The following CBFB variants were observed in gnomAD, a reference collection of about 807,000 sequenced individuals.
CBFB encodes core-binding factor subunit beta.
A neutral mutation model predicts 30.4 loss-of-function variants in CBFB; 9 were observed. The observed-to-expected ratio is 0.30, with a 90% CI of 0.18 to 0.52. The LOEUF is 0.52. Ranked by LOEUF, CBFB falls within the 20% of genes least tolerant of loss-of-function variation. The pLI, the probability that CBFB is intolerant of heterozygous loss-of-function variation, is 0.97. For missense variants in CBFB, 170 were observed against 244.0 expected, an observed-to-expected ratio of 0.70 and a Z score of 2.02; for synonymous variants, 94 against 84.0, an observed-to-expected ratio of 1.12 and a Z score of -0.65.
At chr16:67,066,985 G>T in intron 4 of CBFB, 187 bp downstream of exon 4, 2 of 429,828 alleles carry the variant, frequency 4.7e-6, no homozygotes, top group South Asian at 2.9e-5. Flanking sequence ...TTTTTCTTCA[G>T]CAGTTCTAAA....
intron 4 of CBFB, among the ~76,000 whole-genome samples, chr16:67,078,074 G>A (rs1252922607): frequency 6.6e-6 from 1 of 152,204 alleles, no homozygotes; most frequent in East Asian, 1.9e-4. Flanking sequence ...AGCCTACTTT[G>A]TGGGTAAGCA....
chr16:67,075,592 C>T (rs1961373215), intron 4 of CBFB, among the ~76,000 whole-genome samples: 1 of 152,024 alleles, frequency 6.6e-6, no homozygotes, highest in African/African-American at 2.4e-5. Flanking sequence ...ACACTATGAT[C>T]TAGCAGTTCT....
chr16:67,054,660 T>G (rs1418910507), intron 3 of CBFB, among the ~76,000 whole-genome samples: 1 of 152,194 alleles, frequency 6.6e-6, no homozygotes, highest in Non-Finnish European at 1.5e-5. Flanking sequence ...GTCTCTTTTG[T>G]CTTTTTGGTC....
At chr16:67,029,635 C>G in intron 1 of CBFB, 92 bp from the exon 2 acceptor site, 1 of 1,366,096 alleles carries the variant, frequency 7.3e-7, no homozygotes, top group Non-Finnish European at 1.0e-6. Context: ...CCCGCAGCCT[C>G]TGCTTGCCCT....
At position 67,098,114 on chromosome 16, in the gene CBFB, T is replaced by TTTTGTTTG. The variant is rs369708538; in HGVS notation, c.496-568_496-561dup. On this transcript the variant is annotated intron_variant, in intron 5 of 5. Coordinates refer to ENST00000412916, the MANE Select transcript of CBFB (RefSeq NM_022845.3). ...GTAAATATAGATTTGTTGTGGGGTT[T>TTTTGTTTG]TTTGTTTGTTTGTTTGTTTGTTTGT... Among the ~76,000 whole-genome samples the TTTTGTTTG allele has an allele frequency of 2.4e-3, 365 of 150,612 alleles. 2 individuals carry two copies. The highest frequency in any genetic ancestry group is 1.8e-3 in the African/African-American group (74 of 40,284).
intron 3 of CBFB, among the ~76,000 whole-genome samples, chr16:67,045,600 T>C (rs528134449): frequency 2.0e-5 from 3 of 152,314 alleles, no homozygotes; most frequent in Admixed American, 1.3e-4. Context: ...ACATGGTAAA[T>C]GCACCTCTGA....
chr16:67,059,788 C>T lies in CBFB; in HGVS notation c.283-6894C>T, dbSNP rs138505229. Among the ~76,000 whole-genome samples, 73 of 152,160 alleles carry T rather than the reference C, an allele frequency of 4.8e-4. 1 individual carries two copies. The East Asian group carries it at 0.013, about 27-fold the overall frequency. ...CTTACTCTGGGGGTCTCTTCCTTTC[C>T]TCTGGATTTAAATACCATGGTATTG... is the stretch of plus-strand genomic sequence containing the variant. On this transcript the variant is annotated intron_variant, in intron 3 of 5. Transcript: ENST00000412916.
chr16:67,066,547 G>A (rs988321696), intron 3 of CBFB, 135 bp from the exon 4 acceptor site: 1 of 504,352 alleles, frequency 2.0e-6, no homozygotes, highest in Non-Finnish European at 3.6e-6. Flanking sequence ...GGAGCACAGC[G>A]AAACTCCATC....
At chr16:67,039,878 A>G (rs1272935977) in intron 3 of CBFB, among the ~76,000 whole-genome samples, 1 of 152,222 alleles carries the variant, frequency 6.6e-6, no homozygotes. Context: ...AAATGGTGAC[A>G]CTGGTAGAAA....
At chr16:67,062,545 A>T (rs1444919539) in intron 3 of CBFB, among the ~76,000 whole-genome samples, 1 of 147,530 alleles carries the variant, frequency 6.8e-6, no homozygotes, top group Non-Finnish European at 1.5e-5. Flanking sequence ...TAACCCGAGC[A>T]CTCTGGGAGG....
At chr16:67,085,326 C>T (rs1203893721) in intron 5 of CBFB, among the ~76,000 whole-genome samples, 1 of 151,860 alleles carries the variant, frequency 6.6e-6, no homozygotes, top group East Asian at 1.9e-4. Flanking sequence ...CCTGCCAGCA[C>T]GCCCGGCAAA....
Position 67,098,346 on chromosome 16 carries a change from A to G in CBFB, c.496-364A>G, listed in dbSNP as rs1487585241. 2.6e-5 allele frequency among the ~76,000 whole-genome samples: 4 copies of G among 152,148 alleles called. 1 individual carries two copies. Among genetic ancestry groups the G allele is most frequent in the Middle Eastern group, 6.3e-3 (2 of 316 alleles). On this transcript the variant is annotated intron_variant, in intron 5 of 5. Coordinates refer to ENST00000412916, the MANE Select transcript of CBFB (RefSeq NM_022845.3). ...GAGACAGGGTTTCACCATTTTGGCC[A>G]GGCTGGTCTCGAACTCCTGACCTCA...
At chr16:67,031,763 T>C (rs1200452692) in intron 2 of CBFB, among the ~76,000 whole-genome samples, 2 of 151,996 alleles carry the variant, frequency 1.3e-5, no homozygotes, top group African/African-American at 4.8e-5. Context: ...TCCTCCCACC[T>C]CGGCCTTCCA....
Position 67,066,804 on chromosome 16 carries a change from G to A in CBFB, c.399+6G>A. Reference sequence around the variant, plus strand: ...TTGATGAGGAGCGAGCCCAGGTAGGGTAACATCAGGCTTTATTGAGCATGG... The same window carrying A: ...TTGATGAGGAGCGAGCCCAGGTAGGATAACATCAGGCTTTATTGAGCATGG... On this transcript the variant is annotated splice_donor_region_variant and intron_variant, in intron 4 of 5. Coordinates refer to ENST00000412916, the MANE Select transcript of CBFB (RefSeq NM_022845.3). 6.6e-7 allele frequency: 1 copy of A among 1,515,778 alleles called. No homozygotes were observed. The highest frequency in any genetic ancestry group is 9.1e-7 in the Non-Finnish European group (1 of 1,093,312). 93.9% of individuals were successfully genotyped at this position (1,515,778 alleles called of 1,614,324 possible). A position where few individuals can be genotyped will look rare whatever the true frequency, so the allele number is the denominator to read the frequency against.
intron 4 of CBFB, among the ~76,000 whole-genome samples, chr16:67,072,265 C>T (rs1013650351): frequency 1.3e-5 from 2 of 152,066 alleles, no homozygotes; most frequent in East Asian, 3.9e-4. Flanking sequence ...TTTAAAAATA[C>T]GTTTTTAAAT....
intron 2 of CBFB, 103 bp from the exon 3 acceptor site, chr16:67,036,536 G>A: frequency 1.4e-6 from 1 of 704,486 alleles, no homozygotes; most frequent in South Asian, 1.6e-5. Flanking sequence ...TATTCTCTGT[G>A]CTGCCTGGCT....
intron 3 of CBFB, among the ~76,000 whole-genome samples, chr16:67,047,872 T>G (rs570861031): frequency 2.6e-5 from 4 of 151,982 alleles, no homozygotes; most frequent in Admixed American, 6.6e-5. Context: ...AGTTCAAGAC[T>G]AGCGTGGCCA....
intron 4 of CBFB, among the ~76,000 whole-genome samples, chr16:67,072,612 A>C (rs1027181933): frequency 6.6e-6 from 1 of 151,770 alleles, no homozygotes; most frequent in East Asian, 1.9e-4. Flanking sequence ...GGTTACAGGC[A>C]TGTGCCACCA....
chr16:67,076,769 T>C (rs1321138520), intron 4 of CBFB, among the ~76,000 whole-genome samples: 1 of 152,218 alleles, frequency 6.6e-6, no homozygotes, highest in African/African-American at 2.4e-5. Flanking sequence ...GATTTCCAAC[T>C]AATTTTAAAC....
Sources: allele counts gnomAD v4.1 joint callset (sites outside exome capture counted in the v4.1 genomes callset), GRCh38; gene constraint gnomAD v4.1.1; transcripts MANE v1.5; gene names NCBI Gene and HGNC (gene_info 2026-07-23, HGNC 2026-07-21).